KHDRBS1: variants seen among roughly 807,000 people sequenced by gnomAD.
KHDRBS1 encodes the protein KH domain-containing, RNA-binding, signal transduction-associated protein 1.
Under a neutral mutation model 48.4 loss-of-function variants are expected in KHDRBS1, and 7 were observed. The observed-to-expected ratio is 0.14, with a 90% CI of 0.08 to 0.27. The LOEUF (loss-of-function observed/expected upper bound fraction) is 0.27, where lower values mean the gene tolerates loss of function less well. KHDRBS1 is among the 10% of genes least tolerant of loss of function. The pLI is 1.00. For synonymous variants in KHDRBS1, 241 were observed against 235.8 expected (o/e 1.02, Z -0.20); for missense variants, 458 against 601.2 (o/e 0.76, Z 2.49).
intron 1 of KHDRBS1, among the ~76,000 whole-genome samples, chr1:32,026,655 C>T (rs1365269930): frequency 6.6e-6 from 1 of 152,168 alleles, no homozygotes; most frequent in Non-Finnish European, 1.5e-5. Context: ...AGGAGTATAG[C>T]AGATGAACAG....
intron 7 of KHDRBS1, 84 bp from the exon 8 acceptor site, chr1:32,039,431 A>G: frequency 1.3e-6 from 1 of 777,928 alleles, no homozygotes; most frequent in East Asian, 2.4e-5. Flanking sequence ...CACTTAGTAA[A>G]ATGACTGACT....
At chr1:32,044,622 C>G (rs1181595046), downstream of KHDRBS1, among the ~76,000 whole-genome samples, 1 of 151,904 alleles carries the variant, frequency 6.6e-6, no homozygotes, top group African/African-American at 2.4e-5. Context: ...CTTTTTAAAA[C>G]ACACCAACAA....
At chr1:32,055,033 C>T (rs1263338994) in intron 10 of KHDRBS1, among the ~76,000 whole-genome samples, 1 of 152,180 alleles carries the variant, frequency 6.6e-6, no homozygotes, top group Non-Finnish European at 1.5e-5. Context: ...TCCTCCTTAG[C>T]TGCCTGCTGG....
chr1:32,033,780 T>A (rs1335706366), intron 4 of KHDRBS1, among the ~76,000 whole-genome samples: 2 of 152,126 alleles, frequency 1.3e-5, no homozygotes, highest in Non-Finnish European at 2.9e-5. Flanking sequence ...TCTAGTGTTA[T>A]TGGGTTAAAT....
At chr1:32,019,710 T>C (rs1171817658) in intron 1 of KHDRBS1, among the ~76,000 whole-genome samples, 1 of 152,188 alleles carries the variant, frequency 6.6e-6, no homozygotes, top group African/African-American at 2.4e-5. Flanking sequence ...CAAAGCCTAG[T>C]AAGATAAAGC....
chr1:32,055,904 C>G, intron 10 of KHDRBS1, among the ~76,000 whole-genome samples: 1 of 152,156 alleles, frequency 6.6e-6, no homozygotes, highest in East Asian at 1.9e-4. Flanking sequence ...ACTCTATTGT[C>G]TATTCTGGCT....
intron 10 of KHDRBS1, among the ~76,000 whole-genome samples, chr1:32,050,800 G>T (rs556094315): frequency 1.3e-5 from 2 of 152,008 alleles, no homozygotes; most frequent in East Asian, 3.9e-4. Context: ...GATTACAGGT[G>T]TAAGCCACCA....
chr1:32,058,546 G>A (rs72878635), intron 10 of KHDRBS1, among the ~76,000 whole-genome samples: 2,800 of 152,254 alleles, frequency 0.018, 81 homozygotes, highest in African/African-American at 0.063. Context: ...GGGGGGGTGT[G>A]GAAAATGAAA....
chr1:32,057,025 C>A (rs535520862), intron 10 of KHDRBS1, among the ~76,000 whole-genome samples: 26 of 152,186 alleles, frequency 1.7e-4, no homozygotes, highest in African/African-American at 5.8e-4. Flanking sequence ...GGGTATACAA[C>A]CTAATACTGT....
chr1:32,017,837 C>T (rs1003776910), intron 1 of KHDRBS1, among the ~76,000 whole-genome samples: 6 of 151,766 alleles, frequency 4.0e-5, no homozygotes, highest in African/African-American at 7.3e-5. Flanking sequence ...AAACTCCCGA[C>T]CTCAGGTGAT....
chr1:32,033,360 T>C, intron 4 of KHDRBS1, 26 bp downstream of exon 4: 4 of 1,611,566 alleles, frequency 2.5e-6, no homozygotes, highest in East Asian at 2.2e-5. Context: ...TCCTGTGTCT[T>C]CTGAGCAAAA....
chr1:32,058,333 C>T (rs1393163290), intron 10 of KHDRBS1, among the ~76,000 whole-genome samples: 1 of 152,112 alleles, frequency 6.6e-6, no homozygotes, highest in South Asian at 2.1e-4. Flanking sequence ...AATCTGGCCT[C>T]AAGCAATCCT....
chr1:32,019,104 C>G (rs1638803930), intron 1 of KHDRBS1, among the ~76,000 whole-genome samples: 1 of 150,834 alleles, frequency 6.6e-6, no homozygotes, highest in African/African-American at 2.5e-5. Context: ...TCTTAAAAAA[C>G]AAACAAACAA....
chr1:32,051,409 C>T (rs1199691821), intron 10 of KHDRBS1, among the ~76,000 whole-genome samples: 2 of 152,164 alleles, frequency 1.3e-5, no homozygotes, highest in African/African-American at 4.8e-5. Context: ...AATAGCTGAT[C>T]AGATTATTTT....
At position 32,023,220 on chromosome 1, in the gene KHDRBS1, G is replaced by A. The variant is rs116389576; in HGVS notation, c.383-7078G>A. ...TAAAATCTACAAAAAAAACAAAAGT[G>A]GGGGGTGGGAAAGGTTAAGTTATAG... is the stretch of plus-strand genomic sequence containing the variant. On this transcript the variant is annotated intron_variant, in intron 1 of 8. Transcript: ENST00000327300. Among the ~76,000 whole-genome samples, 688 of 152,196 alleles carry A rather than the reference G, an allele frequency of 4.5e-3. 5 individuals are homozygous for A. The highest frequency in any genetic ancestry group is 0.016 in the African/African-American group (663 of 41,524).
Position 32,013,961 on chromosome 1 carries a change from C to A in KHDRBS1, c.-35C>A. On this transcript the variant is annotated 5_prime_UTR_variant, in exon 1 of 9. Transcript: ENST00000327300. ...GCTCGGGCCTCCGTCGCTGCCGCGT[C>A]GCTTTCTCGCTCCTTGGATCGCACA... is the stretch of plus-strand genomic sequence containing the variant. The A allele has an allele frequency of 7.0e-7, 1 of 1,426,440 alleles. No homozygotes were observed. The highest frequency in any genetic ancestry group is 1.4e-5 in the South Asian group (1 of 69,688). The allele number at this position is 1,426,440 out of a possible 1,614,324, so 88.4% of individuals were successfully genotyped here.
At chr1:32,042,504 A>T in intron 8 of KHDRBS1, 23 bp from the exon 9 acceptor site, 1 of 1,563,444 alleles carries the variant, frequency 6.4e-7, no homozygotes. Context: ...ATGGTTTATA[A>T]ACTGTCTTTG....
intron 1 of KHDRBS1, among the ~76,000 whole-genome samples, chr1:32,018,795 G>A (rs891279341): frequency 6.6e-6 from 1 of 151,440 alleles, no homozygotes; most frequent in African/African-American, 2.4e-5. Context: ...GTAAGGCCAG[G>A]TGCGGTGGCC....
At chr1:32,015,858 T>C (rs1286637359) in intron 1 of KHDRBS1, among the ~76,000 whole-genome samples, 1 of 152,168 alleles carries the variant, frequency 6.6e-6, no homozygotes, top group Non-Finnish European at 1.5e-5. Flanking sequence ...TTTGAGAAGA[T>C]AGAATAGTAG....
Sources: allele counts gnomAD v4.1 joint callset (sites outside exome capture counted in the v4.1 genomes callset), GRCh38; gene constraint gnomAD v4.1.1; transcripts MANE v1.5; gene names NCBI Gene and HGNC (gene_info 2026-07-23, HGNC 2026-07-21).